Variants in PTCHD1 observed in about 807,000 individuals in gnomAD.
PTCHD1 encodes patched domain-containing protein 1.
In PTCHD1, 3 loss-of-function variants were observed where a neutral mutation model predicts 34.6. That is an observed-to-expected ratio of 0.09 (90% CI 0.04 to 0.22). PTCHD1 has a LOEUF of 0.22. Among genes scored for constraint, PTCHD1 ranks in the 10% least tolerant of loss-of-function variants. The pLI is 1.00. For missense variants in PTCHD1, 504 were observed against 685.5 expected, an observed-to-expected ratio of 0.74 and a Z score of 2.96; for synonymous variants, 305 against 283.1, an observed-to-expected ratio of 1.08 and a Z score of -0.77.
At chrX:23,379,491 G>A (rs1922498086) in intron 1 of PTCHD1, 100 bp from the exon 2 acceptor site, 3 of 870,934 alleles carry the variant, frequency 3.4e-6, no homozygotes, top group Non-Finnish European at 4.9e-6. Context: ...TATAACATTT[G>A]ATTTGAACTG....
chrX:23,377,674 A>C (rs1216767397), intron 1 of PTCHD1, among the ~76,000 whole-genome samples: 3 of 109,268 alleles, frequency 2.7e-5, no homozygotes, highest in African/African-American at 1.0e-4. Context: ...AATACAATGA[A>C]ATGTTTTCTG....
At chrX:23,346,342 G>A (rs1434693148) in intron 1 of PTCHD1, among the ~76,000 whole-genome samples, 2 of 111,500 alleles carry the variant, frequency 1.8e-5, no homozygotes, top group African/African-American at 6.5e-5. Context: ...GTAGGGGAGA[G>A]ATCCGACCCA....
rs1156965795 is a variant in PTCHD1, at chrX:23,397,076, G to A, written c.*2891G>A. On this transcript the variant is annotated 3_prime_UTR_variant, in exon 3 of 3. Transcript: ENST00000379361. ...AATTAATTCCAACCAAGACATTAACGTCCACTTTACCAAAGAAACTTACTT... is the reference window on the plus strand; with the variant it reads ...AATTAATTCCAACCAAGACATTAACATCCACTTTACCAAAGAAACTTACTT... 2.7e-5 allele frequency: 3 copies of A among 111,535 alleles called. No individual in the cohort carries two copies. The highest frequency in any genetic ancestry group is 3.7e-4 in the South Asian group (1 of 2,676). The allele number at this position is 111,535 out of a possible 1,213,427, so 9.2% of individuals were successfully genotyped here.
intron 1 of PTCHD1, among the ~76,000 whole-genome samples, chrX:23,366,199 T>C (rs1278042956): frequency 2.7e-5 from 3 of 112,342 alleles, no homozygotes; most frequent in Non-Finnish European, 5.6e-5. Context: ...AGTGAACTAG[T>C]TGTTACATTG....
chrX:23,392,070 C>CTTTTTTTTT lies in PTCHD1; in HGVS notation c.1013-458_1013-457insTTTTTTTTT, dbSNP rs1464413678. ...TTTTTTCTTTCTTTTTTCTTTCTTT[C>CTTTTTTTTT]TTTCTTTTTTTTTTTTTTTTTGAGA... is the stretch of plus-strand genomic sequence containing the variant. On this transcript the variant is annotated intron_variant, in intron 2 of 2. Transcript: ENST00000379361. 5.6e-4 allele frequency among the ~76,000 whole-genome samples: 22 copies of CTTTTTTTTT among 39,473 alleles called. 1 individual carries two copies. Among genetic ancestry groups the CTTTTTTTTT allele is most frequent in the African/African-American group, 3.2e-3 (14 of 4,377 alleles). 34.3% of individuals were successfully genotyped at this position (39,473 alleles called of 115,157 possible).
intron 1 of PTCHD1, among the ~76,000 whole-genome samples, chrX:23,359,354 G>C (rs938698343): frequency 8.9e-6 from 1 of 111,758 alleles, no homozygotes; most frequent in Admixed American, 9.5e-5. Flanking sequence ...TCCTTGAGGA[G>C]GTCCTTCACA....
chrX:23,377,789 G>A (rs1424918707), intron 1 of PTCHD1, among the ~76,000 whole-genome samples: 1 of 111,475 alleles, frequency 9.0e-6, no homozygotes, highest in Non-Finnish European at 1.9e-5. Context: ...GACAGCTAGT[G>A]CCCCTCAGAC....
chrX:23,369,443 G>A (rs893584892), intron 1 of PTCHD1, among the ~76,000 whole-genome samples: 5 of 111,459 alleles, frequency 4.5e-5, no homozygotes, highest in African/African-American at 1.6e-4. Flanking sequence ...TTTTCCAGAA[G>A]AACTCTCATT....
rs1019561116 is a variant in PTCHD1 at position 23,394,324 on chromosome X, A to G, written c.*139A>G. ...TGCCAAAAAAAAAAAAAAAAAAAAA[A>G]GGAAAGGACAGTGGGGAGAAATGGG... On this transcript the variant is annotated 3_prime_UTR_variant, in exon 3 of 3. Coordinates refer to ENST00000379361, the MANE Select transcript of PTCHD1 (RefSeq NM_173495.3). 141 of 454,837 alleles carry G rather than the reference A, an allele frequency of 3.1e-4. No homozygotes were observed. The African/African-American group carries it at 3.4e-3, about 11-fold the overall frequency. The allele number at this position is 454,837 out of a possible 1,213,427, so 37.5% of individuals were successfully genotyped here.
At chrX:23,368,138 A>G (rs957780284) in intron 1 of PTCHD1, among the ~76,000 whole-genome samples, 3 of 111,389 alleles carry the variant, frequency 2.7e-5, no homozygotes, top group Admixed American at 1.9e-4. Flanking sequence ...AAAAAAAAAA[A>G]AAACTTTTCA....
rs1157912354 is a variant in PTCHD1, at chrX:23,403,861, G to A, written c.*9676G>A. 9.0e-6 allele frequency: 1 copy of A among 111,057 alleles called. No individual in the cohort carries two copies. Among genetic ancestry groups the A allele is most frequent in the Admixed American group, 9.6e-5 (1 of 10,428 alleles). 9.2% of individuals were successfully genotyped at this position (111,057 alleles called of 1,213,427 possible). Reference sequence around the variant, plus strand: ...TTTAAAGATAGTTTAAAAAATCAAGGTAATAAAAAACGGCCAACTCTTTCA... The same window carrying A: ...TTTAAAGATAGTTTAAAAAATCAAGATAATAAAAAACGGCCAACTCTTTCA... On this transcript the variant is annotated 3_prime_UTR_variant, in exon 3 of 3. Transcript: ENST00000379361.
intron 1 of PTCHD1, among the ~76,000 whole-genome samples, chrX:23,366,252 A>G (rs1922136732): frequency 2.7e-5 from 3 of 111,841 alleles, no homozygotes; most frequent in African/African-American, 9.8e-5. Context: ...CATCCTTTCC[A>G]ATGTAGCTAC....
intron 1 of PTCHD1, among the ~76,000 whole-genome samples, chrX:23,339,604 C>T (rs752518476): frequency 8.9e-6 from 1 of 112,553 alleles, no homozygotes; most frequent in Admixed American, 9.4e-5. Context: ...GGCAGCATAA[C>T]TGCTAGCTCG....
chrX:23,392,946 C>T lies in PTCHD1; in HGVS notation c.1428C>T (p.Asn476=). ...ACACAGCTGAAGGCGAGGAAGCGAA[C>T]ACTTACGAGAGTCACCTATTGGTAT... The part of the protein sequence containing the change: ...SEDTAEGEEA[N]TYESHLLVCF... Residue 476 remains asparagine (N), a synonymous_variant, in exon 3 of 3, where the codon AAC becomes AAT. Coordinates refer to ENST00000379361, the MANE Select transcript of PTCHD1 (RefSeq NM_173495.3). 1 of 1,212,238 alleles carries T rather than the reference C, an allele frequency of 8.2e-7. No homozygotes were observed. Among genetic ancestry groups the T allele is most frequent in the Non-Finnish European group, 1.1e-6 (1 of 895,603 alleles).
chrX:23,361,531 G>T (rs1921983161), intron 1 of PTCHD1, among the ~76,000 whole-genome samples: 3 of 110,996 alleles, frequency 2.7e-5, no homozygotes, highest in South Asian at 7.6e-4. Context: ...TTTATTTTGA[G>T]CCTATGTGTG....
chrX:23,336,783 T>A (rs193264983), intron 1 of PTCHD1, among the ~76,000 whole-genome samples: 7 of 112,160 alleles, frequency 6.2e-5, no homozygotes, highest in African/African-American at 2.3e-4. Flanking sequence ...AGTGACTATA[T>A]TTTGGGACAC....
intron 2 of PTCHD1, among the ~76,000 whole-genome samples, chrX:23,390,955 G>A (rs66756333): frequency 3.3e-5 from 1 of 30,417 alleles, no homozygotes; most frequent in African/African-American, 3.1e-4. Flanking sequence ...ATGCCAAGGC[G>A]ATGGAAGCAG....
At chrX:23,369,778 C>A (rs948029667) in intron 1 of PTCHD1, among the ~76,000 whole-genome samples, 2 of 111,540 alleles carry the variant, frequency 1.8e-5, no homozygotes, top group Non-Finnish European at 3.8e-5. Context: ...GATGATGGGA[C>A]AATTTTCAAA....
In PTCHD1 at chrX:23,399,506, A is replaced by C. The variant is rs1923069312; in HGVS notation, c.*5321A>C. ...GGTGAAGAACCACTGTCCTAAATTA[A>C]TACAGACCTCATTGGGAGTGTGATC... On this transcript the variant is annotated 3_prime_UTR_variant, in exon 3 of 3. Coordinates refer to ENST00000379361, the MANE Select transcript of PTCHD1 (RefSeq NM_173495.3). 8.9e-6 allele frequency: 1 copy of C among 111,806 alleles called. No homozygotes were observed. The highest frequency in any genetic ancestry group is 9.5e-5 in the Admixed American group (1 of 10,573). 9.2% of individuals were successfully genotyped at this position (111,806 alleles called of 1,213,427 possible).
Sources: gnomAD v4.1 joint callset for allele counts (sites outside exome capture counted in the v4.1 genomes callset) on GRCh38, gnomAD v4.1.1 for gene constraint, MANE v1.5 for transcripts, NCBI Gene and HGNC (gene_info 2026-07-23, HGNC 2026-07-21) for gene names.